The following PHEX variants were observed in gnomAD, a reference collection of about 807,000 sequenced individuals.
The protein encoded by PHEX is phosphate regulating endopeptidase X-linked, also known as phosphate-regulating neutral endopeptidase PHEX.
Under a neutral mutation model 68.0 loss-of-function variants are expected in PHEX, and 16 were observed. That is an observed-to-expected ratio of 0.24 (90% CI 0.16 to 0.36). PHEX has a LOEUF of 0.36. Ranked by LOEUF, PHEX falls within the 10% of genes least tolerant of loss-of-function variation. The pLI is 1.00. For missense variants in PHEX, 480 were observed against 575.5 expected (o/e 0.83, Z 1.70); for synonymous variants, 208 against 205.1 (o/e 1.01, Z -0.12).
intron 3 of PHEX, among the ~76,000 whole-genome samples, chrX:22,056,086 C>T (rs1443853636): frequency 1.8e-5 from 2 of 112,108 alleles, no homozygotes; most frequent in African/African-American, 3.2e-5. Context: ...ATTCAGCTGG[C>T]GGGAAGTTCA....
At chrX:22,245,290 A>G in intron 20 of PHEX, 43 bp from the exon 21 acceptor site, 1 of 1,043,366 alleles carries the variant, frequency 9.6e-7, no homozygotes, top group Non-Finnish European at 1.3e-6. Context: ...AAAATACATA[A>G]TTGGAATGAA....
At chrX:22,200,551 G>A (rs1934515783) in intron 15 of PHEX, among the ~76,000 whole-genome samples, 2 of 111,485 alleles carry the variant, frequency 1.8e-5, no homozygotes, top group Non-Finnish European at 3.8e-5. Flanking sequence ...GGAGGTTGCA[G>A]TGAGCTGAGA....
chrX:22,230,229 CTTTTTTTTTTTTT>C (rs140475343), intron 20 of PHEX, among the ~76,000 whole-genome samples: 142 of 10,965 alleles, frequency 0.013, 1 homozygote, highest in Non-Finnish European at 0.019. Context: ...TATATGGGCT[CTTTTTTTTTTTTT>C]TTTTTTTTTT....
chrX:22,100,862 A>G (rs1162341555), intron 9 of PHEX, among the ~76,000 whole-genome samples: 1 of 111,791 alleles, frequency 8.9e-6, no homozygotes, highest in Non-Finnish European at 1.9e-5. Context: ...TACACATACA[A>G]CTTCATTTAA....
At chrX:22,202,593 T>C (rs1047619047) in intron 15 of PHEX, among the ~76,000 whole-genome samples, 1 of 112,040 alleles carries the variant, frequency 8.9e-6, no homozygotes, top group African/African-American at 3.2e-5. Context: ...CTAACTGATA[T>C]AGGGAAAATA....
intron 9 of PHEX, among the ~76,000 whole-genome samples, chrX:22,104,060 A>C (rs1304265075): frequency 8.9e-6 from 1 of 111,910 alleles, no homozygotes; most frequent in Non-Finnish European, 1.9e-5. Context: ...AGTGATGTTG[A>C]GCATTTTTCA....
In PHEX at chrX:22,165,900, C is replaced by T. The variant is rs137887743; in HGVS notation, c.1405-2412C>T. On this transcript the variant is annotated intron_variant, in intron 12 of 21. Coordinates refer to ENST00000379374, the MANE Select transcript of PHEX (RefSeq NM_000444.6). The stretch of plus-strand genomic sequence containing the variant: ...CAGGGTGTCTGACCCAATTATTCAA[C>T]TCTACAACTGTACTGCAGAAGCAGC... Among the ~76,000 whole-genome samples the T allele has an allele frequency of 4.8e-3, 535 of 112,170 alleles. 2 individuals are homozygous for T. Among genetic ancestry groups the T allele is most frequent in the Non-Finnish European group, 6.1e-3 (323 of 53,236 alleles).
chrX:22,140,806 C>G (rs1173819143), intron 12 of PHEX, among the ~76,000 whole-genome samples: 1 of 111,915 alleles, frequency 8.9e-6, no homozygotes, highest in Non-Finnish European at 1.9e-5. Context: ...AAATAAAACA[C>G]CTTTAGTGTT....
intron 2 of PHEX, among the ~76,000 whole-genome samples, chrX:22,040,769 G>T (rs2146981729): frequency 9.0e-6 from 1 of 110,609 alleles, no homozygotes; most frequent in South Asian, 3.9e-4. Context: ...GGACCCAAGT[G>T]CCAGTGAGTT....
chrX:22,057,475 C>T (rs956677511), intron 3 of PHEX, among the ~76,000 whole-genome samples: 2 of 110,529 alleles, frequency 1.8e-5, no homozygotes, highest in Non-Finnish European at 3.8e-5. Flanking sequence ...ATCTGTAGTC[C>T]CAGCTACTCA....
intron 13 of PHEX, 22 bp downstream of exon 13, chrX:22,168,411 CT>C (rs745323840): frequency 6.0e-4 from 569 of 947,951 alleles, no homozygotes; most frequent in Non-Finnish European, 7.5e-4. Flanking sequence ...ATTTACTGTA[CT>C]TTTTTTTTTC....
chrX:22,198,875 A>G (rs1278212560), intron 15 of PHEX, among the ~76,000 whole-genome samples: 2 of 111,412 alleles, frequency 1.8e-5, no homozygotes, highest in Non-Finnish European at 3.8e-5. Context: ...GGTTTAATGG[A>G]CTCACAGTTC....
At chrX:22,173,961 T>TACAGAG in intron 13 of PHEX, among the ~76,000 whole-genome samples, 1 of 112,218 alleles carries the variant, frequency 8.9e-6, no homozygotes, top group Non-Finnish European at 1.9e-5. Flanking sequence ...GTACTTATCC[T>TACAGAG]ACAGAGAAGC....
At chrX:22,228,744 A>ATACTT (rs931410091) in intron 20 of PHEX, among the ~76,000 whole-genome samples, 2 of 110,965 alleles carry the variant, frequency 1.8e-5, no homozygotes, top group Non-Finnish European at 3.8e-5. Flanking sequence ...AAAAAAAATT[A>ATACTT]TACTTTAAGT....
chrX:22,119,068 T>G (rs1020442850), intron 11 of PHEX, among the ~76,000 whole-genome samples: 2 of 111,571 alleles, frequency 1.8e-5, no homozygotes, highest in African/African-American at 6.5e-5. Flanking sequence ...AGCCACATAT[T>G]TTTTTTGAGA....
At chrX:22,120,589 T>A (rs1041634704) in intron 11 of PHEX, among the ~76,000 whole-genome samples, 5 of 111,827 alleles carry the variant, frequency 4.5e-5, no homozygotes, top group Non-Finnish European at 9.4e-5. Context: ...ATCACATTTT[T>A]GTATTCATAT....
chrX:22,158,136 G>A (rs1246541478), intron 12 of PHEX, among the ~76,000 whole-genome samples: 1 of 112,053 alleles, frequency 8.9e-6, no homozygotes, highest in Admixed American at 9.5e-5. Context: ...GCTCCGCTTA[G>A]GGTAATATCT....
chrX:22,035,136 C>T (rs1246527284), intron 1 of PHEX, among the ~76,000 whole-genome samples: 7 of 111,357 alleles, frequency 6.3e-5, no homozygotes, highest in African/African-American at 2.3e-4. Flanking sequence ...TACATGCCTG[C>T]AATTTCTAGC....
At chrX:22,080,535 T>A (rs16981746) in intron 5 of PHEX, among the ~76,000 whole-genome samples, 7,653 of 111,113 alleles carry the variant, frequency 0.069, 396 homozygotes, top group African/African-American at 0.18. Context: ...ATGAAACCCA[T>A]TGAACCTGAT....
Sources: gnomAD v4.1 joint callset for allele counts (sites outside exome capture counted in the v4.1 genomes callset) on GRCh38, gnomAD v4.1.1 for gene constraint, MANE v1.5 for transcripts, NCBI Gene and HGNC (gene_info 2026-07-23, HGNC 2026-07-21) for gene names.